The following PCDHA8 variants were observed in gnomAD, a reference collection of about 807,000 sequenced individuals.
PCDHA8 encodes the protein protocadherin alpha-8.
PCDHA8 carries 53 observed loss-of-function variants against 61.8 expected under a neutral mutation model. The ratio of observed to expected loss-of-function variants is 0.86; its 90% CI spans 0.69 to 1.08. The LOEUF (loss-of-function observed/expected upper bound fraction) is 1.08, where lower values mean the gene tolerates loss of function less well. Among genes scored for constraint, PCDHA8 ranks in the 50% least tolerant of loss-of-function variants. The pLI is 0.00. For synonymous variants in PCDHA8, 618 were observed against 556.6 expected (o/e 1.11, Z -1.55); for missense variants, 1,293 against 1,245.0 (o/e 1.04, Z -0.58).
intron 1 of PCDHA8, chr5:140,870,851 C>T: frequency 6.2e-7 from 1 of 1,613,838 alleles, no homozygotes; most frequent in Non-Finnish European, 8.5e-7. Context: ...GTACCGCGGT[C>T]GGTGGGTGCG....
At chr5:140,877,159 C>G in intron 1 of PCDHA8, 2 of 1,613,818 alleles carry the variant, frequency 1.2e-6, no homozygotes, top group Non-Finnish European at 1.7e-6. Flanking sequence ...CGACAACGCG[C>G]CGGCACTGCT....
chr5:140,987,078 G>T (rs1158243032), intron 3 of PCDHA8, among the ~76,000 whole-genome samples: 4 of 152,026 alleles, frequency 2.6e-5, no homozygotes, highest in Non-Finnish European at 5.9e-5. Context: ...GCTGGGCGTG[G>T]TGGCAGGTGC....
chr5:140,871,145 C>G, intron 1 of PCDHA8: 1 of 1,613,418 alleles, frequency 6.2e-7, no homozygotes, highest in Non-Finnish European at 8.5e-7. Flanking sequence ...TCTTCCCGGA[C>G]TTTGGCGGGC....
In PCDHA8 at chr5:140,841,538, G is replaced by C. The variant is rs1488596274; in HGVS notation, c.217G>C (p.Asp73His). The C allele has an allele frequency of 9.3e-6, 15 of 1,613,608 alleles. No homozygotes were observed. Among genetic ancestry groups the C allele is most frequent in the Admixed American group, 1.7e-5 (1 of 59,988 alleles). ...LFRVASKRHR[D>H]LLEVSLQNGI... ...CCGGGTGGCGTCCAAAAGACACCGG[G>C]ACCTTCTGGAGGTAAGTCTGCAGAA... Residue 73 changes from aspartate (D) to histidine (H), a missense_variant, in exon 1 of 4, where the codon GAC becomes CAC. Transcript: ENST00000531613.
chr5:140,886,844 A>AAG (rs2061185449), intron 1 of PCDHA8, among the ~76,000 whole-genome samples: 1 of 150,634 alleles, frequency 6.6e-6, no homozygotes, highest in Non-Finnish European at 1.5e-5. Flanking sequence ...AAAAAAAAAA[A>AAG]AAAGAAAGGT....
At chr5:141,005,939 C>A (rs1183397075) in intron 3 of PCDHA8, among the ~76,000 whole-genome samples, 2 of 151,786 alleles carry the variant, frequency 1.3e-5, no homozygotes, top group Non-Finnish European at 2.9e-5. Flanking sequence ...AGAGTGAGAA[C>A]CTATCTCTAA....
Position 140,851,603 on chromosome 5 carries a change from A to C in PCDHA8, c.2394+7888A>C, listed in dbSNP as rs1213150378. 1.6e-5 allele frequency: 15 copies of C among 916,732 alleles called. No individual in the cohort carries two copies. In the African/African-American group the frequency reaches 2.5e-4, roughly 15 times the overall value. The allele number at this position is 916,732 out of a possible 1,614,324, so 56.8% of individuals were successfully genotyped here. On this transcript the variant is annotated intron_variant, in intron 1 of 3. Coordinates refer to ENST00000531613, the MANE Select transcript of PCDHA8 (RefSeq NM_018911.3). ...ACATTTTTTGAAATTCAGTTTACAG[A>C]AATTGGAGAAAATGCTTTTTAAACA...
chr5:140,924,942 GT>G (rs1180985667), intron 1 of PCDHA8, among the ~76,000 whole-genome samples: 3 of 120,862 alleles, frequency 2.5e-5, no homozygotes, highest in African/African-American at 8.7e-5. Context: ...AAAATAAAAA[GT>G]TAAAAAAAAA....
chr5:140,862,807 C>A, intron 1 of PCDHA8: 1 of 572,850 alleles, frequency 1.7e-6, no homozygotes. Flanking sequence ...GGAGCTGCTG[C>A]AGTTCTAGGT....
At chr5:140,998,211 T>C (rs2097801578) in intron 3 of PCDHA8, among the ~76,000 whole-genome samples, 1 of 152,226 alleles carries the variant, frequency 6.6e-6, no homozygotes. Context: ...TTAATCTGTA[T>C]AACCACACCC....
chr5:140,964,000 T>C (rs900134447), intron 1 of PCDHA8, among the ~76,000 whole-genome samples: 2 of 152,218 alleles, frequency 1.3e-5, no homozygotes, highest in African/African-American at 2.4e-5. Flanking sequence ...TACTGTGTTC[T>C]ACTTTTTAAT....
intron 2 of PCDHA8, among the ~76,000 whole-genome samples, chr5:140,981,680 C>G (rs1238332235): frequency 6.6e-6 from 1 of 151,746 alleles, no homozygotes; most frequent in Non-Finnish European, 1.5e-5. Context: ...CTTCCTTCCT[C>G]CCTTCCATCA....
At chr5:140,924,049 T>C (rs1554201723) in intron 1 of PCDHA8, among the ~76,000 whole-genome samples, 1 of 152,254 alleles carries the variant, frequency 6.6e-6, no homozygotes, top group East Asian at 1.9e-4. Flanking sequence ...AAAAGTTCGG[T>C]ACATCTTTAC....
Position 140,841,195 on chromosome 5 carries a change from T to A in PCDHA8, c.-127T>A, listed in dbSNP as rs1777082025. On this transcript the variant is annotated 5_prime_UTR_variant, in exon 1 of 4. Coordinates refer to ENST00000531613, the MANE Select transcript of PCDHA8 (RefSeq NM_018911.3). ...TGGTCAATGTTCAAAGTCTTTTCTC[T>A]GACAGCATCTGTCTCTAAAGGCCGA... 13 of 1,267,354 alleles carry A rather than the reference T, an allele frequency of 1.0e-5. No homozygotes were observed. Among genetic ancestry groups the A allele is most frequent in the Non-Finnish European group, 1.4e-5 (13 of 920,644 alleles). The allele number at this position is 1,267,354 out of a possible 1,614,324, so 78.5% of individuals were successfully genotyped here.
At position 140,951,508 on chromosome 5, in the gene PCDHA8, G is replaced by A. The variant is rs536073969; in HGVS notation, c.2395-27441G>A. Among the ~76,000 whole-genome samples the A allele has an allele frequency of 3.9e-5, 6 of 152,080 alleles. No individual in the cohort carries two copies. The South Asian group carries it at 6.2e-4, about 16-fold the overall frequency. On this transcript the variant is annotated intron_variant, in intron 1 of 3. Coordinates refer to ENST00000531613, the MANE Select transcript of PCDHA8 (RefSeq NM_018911.3). ...TCATGGTGGAAGGCAAAAGGAAAGC[G>A]GCTCATCTTACATGGCCGGTGCAGG...
chr5:140,902,666 C>A (rs1554190555), intron 1 of PCDHA8, among the ~76,000 whole-genome samples: 1 of 152,122 alleles, frequency 6.6e-6, no homozygotes, highest in Non-Finnish European at 1.5e-5. Context: ...GTCACCCAAG[C>A]AGTGTACACC....
chr5:140,942,619 TA>T (rs35075175), intron 1 of PCDHA8, among the ~76,000 whole-genome samples: 84,954 of 148,808 alleles, frequency 0.57, 24,471 homozygotes, highest in African/African-American at 0.7. Context: ...TTGCCAATTG[TA>T]AAAAAAAAAA....
At chr5:140,871,809 A>G (rs1489306606) in intron 1 of PCDHA8, among the ~76,000 whole-genome samples, 1 of 152,260 alleles carries the variant, frequency 6.6e-6, no homozygotes. Flanking sequence ...TATTTTCACT[A>G]AAGTACCCAT....
intron 1 of PCDHA8, among the ~76,000 whole-genome samples, chr5:140,941,214 C>CTTCCTTTCTTT (rs1554214039): frequency 8.2e-6 from 1 of 122,414 alleles, no homozygotes; most frequent in Non-Finnish European, 1.7e-5. Context: ...TTTCTTTCTT[C>CTTCCTTTCTTT]CTTTCTTTCT....
Sources: allele counts gnomAD v4.1 joint callset (sites outside exome capture counted in the v4.1 genomes callset), GRCh38; gene constraint gnomAD v4.1.1; transcripts MANE v1.5; gene names NCBI Gene and HGNC (gene_info 2026-07-23, HGNC 2026-07-21).